Variants in C11orf54 observed in about 807,000 individuals in gnomAD.
C11orf54 encodes the protein beta-keto-L-gulonate decarboxylase, also known as beta-keto L-gulonate decarboxylase.
A neutral mutation model predicts 35.5 loss-of-function variants in C11orf54; 29 were observed. The ratio of observed to expected loss-of-function variants is 0.82; its 90% CI spans 0.61 to 1.11. The LOEUF (loss-of-function observed/expected upper bound fraction) is 1.11, where lower values mean the gene tolerates loss of function less well. Ranked by LOEUF, C11orf54 falls within the 50% of genes most tolerant of loss-of-function variation. The pLI, the probability that C11orf54 is intolerant of heterozygous loss-of-function variation, is 0.00. For missense variants in C11orf54, 373 were observed against 369.2 expected (o/e 1.01, Z -0.08); for synonymous variants, 108 against 121.1 (o/e 0.89, Z 0.71).
rs1453241728 is a variant in C11orf54, at chr11:93,746,002, A to AT, written c.-97-1295_-97-1294insT. 2.0e-5 allele frequency: 3 copies of AT among 152,278 alleles called. No individual in the cohort carries two copies. The East Asian group carries it at 5.8e-4, about 29-fold the overall frequency. 9.4% of individuals were successfully genotyped at this position (152,278 alleles called of 1,614,324 possible). Reference sequence around the variant, plus strand: ...GTCTCAAAAATTTGGGACCGTTAATAAACAGTTATATATATTTGGGAGATT... The same window carrying AT: ...GTCTCAAAAATTTGGGACCGTTAATATAACAGTTATATATATTTGGGAGATT... On this transcript the variant is annotated intron_variant, in intron 1 of 8. Coordinates refer to ENST00000354421, the MANE Select transcript of C11orf54 (RefSeq NM_001286069.2).
At position 93,763,031 on chromosome 11, in the gene C11orf54, C is replaced by T. The variant is rs1943543027; in HGVS notation, c.*1343C>T. On this transcript the variant is annotated 3_prime_UTR_variant, in exon 9 of 9. Coordinates refer to ENST00000354421, the MANE Select transcript of C11orf54 (RefSeq NM_001286069.2). Reference sequence around the variant, plus strand: ...AGCTATGTCTTGTGAGTATAAATTCCAATTTTAAGCACTATTTTGATGCAA... The same window carrying T: ...AGCTATGTCTTGTGAGTATAAATTCTAATTTTAAGCACTATTTTGATGCAA... The T allele has an allele frequency of 6.6e-6, 1 of 152,036 alleles. No individual in the cohort carries two copies. The highest frequency in any genetic ancestry group is 1.9e-4 in the East Asian group (1 of 5,192). 9.4% of individuals were successfully genotyped at this position (152,036 alleles called of 1,614,324 possible). A position where few individuals can be genotyped will look rare whatever the true frequency, so the allele number is the denominator to read the frequency against.
In C11orf54 at chr11:93,757,327, G is replaced by A. The variant is rs942015174; in HGVS notation, c.519G>A (p.Val173=). 2 of 1,598,126 alleles carry A rather than the reference G, an allele frequency of 1.3e-6. No homozygotes were observed. Among genetic ancestry groups the A allele is most frequent in the Middle Eastern group, 1.7e-4 (1 of 6,058 alleles). ...SEGQPGKVIE[V]KAKRRTGPLN... Reference sequence around the variant, plus strand: ...TATGTCCTCTATAGGTAATTGAGGTGAAAGCCAAAAGAAGAACTGGACCAC... The same window carrying A: ...TATGTCCTCTATAGGTAATTGAGGTAAAAGCCAAAAGAAGAACTGGACCAC... The change falls in exon 7 of 9, where the codon GTG becomes GTA. Residue 173 remains valine, a synonymous_variant. Coordinates refer to ENST00000354421, the MANE Select transcript of C11orf54 (RefSeq NM_001286069.2).
rs1942749750 is a variant in C11orf54, at chr11:93,750,353, G to A, written c.63G>A (p.Gln21=). ...ATTCCTTGTCTTTATTAGTTATGCAGAAGGGGTTAAAAGATAACTTTGCTG... is the reference window on the plus strand; with the variant it reads ...ATTCCTTGTCTTTATTAGTTATGCAAAAGGGGTTAAAAGATAACTTTGCTG... ...PSLEELAGVM[Q]KGLKDNFADV... Residue 21 remains glutamine (Q), a synonymous_variant, in exon 3 of 9, where the codon CAG becomes CAA. Transcript: ENST00000354421. The A allele has an allele frequency of 1.2e-6, 2 of 1,612,918 alleles. No individual in the cohort carries two copies. The highest frequency in any genetic ancestry group is 1.7e-5 in the Admixed American group (1 of 59,954).
chr11:93,751,399 GTTTTTT>G (rs71064778), intron 3 of C11orf54, among the ~76,000 whole-genome samples: 1 of 74,708 alleles, frequency 1.3e-5, no homozygotes, highest in Non-Finnish European at 2.5e-5. Flanking sequence ...CTTTTTTATA[GTTTTTT>G]TTTTTTTTTT....
rs1565266108 is a variant in C11orf54, at chr11:93,753,670, G to GT, written c.155-6dup. ...AGGTGGCTTGTGTTTTTGTTTTTTG[G>GT]TTTTTTCTTAGGCATCTGTGGGAAA... is the stretch of plus-strand genomic sequence containing the variant. On this transcript the variant is annotated splice_polypyrimidine_tract_variant and intron_variant, in intron 3 of 8. Transcript: ENST00000354421. The GT allele has an allele frequency of 2.5e-6, 4 of 1,611,674 alleles. No individual in the cohort carries two copies. The highest frequency in any genetic ancestry group is 3.4e-6 in the Non-Finnish European group (4 of 1,179,294).
chr11:93,755,897 G>A (rs1943117041), intron 6 of C11orf54, among the ~76,000 whole-genome samples: 1 of 151,886 alleles, frequency 6.6e-6, no homozygotes, highest in African/African-American at 2.4e-5. Flanking sequence ...CAGACGCGGT[G>A]GCTCACGCCT....
chr11:93,759,939 T>C, intron 8 of C11orf54, 81 bp downstream of exon 8: 1 of 837,720 alleles, frequency 1.2e-6, no homozygotes, highest in Non-Finnish European at 1.8e-6. Flanking sequence ...CTAGGCACTT[T>C]TGTGTTTGTT....
At chr11:93,756,755 A>G (rs1943178057) in intron 6 of C11orf54, among the ~76,000 whole-genome samples, 2 of 152,210 alleles carry the variant, frequency 1.3e-5, no homozygotes, top group African/African-American at 4.8e-5. Flanking sequence ...ACTTCCTATT[A>G]GTACACAAAA....
intron 8 of C11orf54, 28 bp downstream of exon 8, chr11:93,759,886 T>C: frequency 1.1e-5 from 14 of 1,278,644 alleles, no homozygotes; most frequent in Non-Finnish European, 1.6e-5. Context: ...TTTTATATTA[T>C]ACTACAATGA....
At chr11:93,746,013 T>G (rs1942449781) in intron 1 of C11orf54, 1 of 152,204 alleles carries the variant, frequency 6.6e-6, no homozygotes, top group African/African-American at 2.4e-5. Flanking sequence ...AACAGTTATA[T>G]ATATTTGGGA....
chr11:93,759,125 G>T (rs917579758), intron 7 of C11orf54, among the ~76,000 whole-genome samples: 1 of 152,184 alleles, frequency 6.6e-6, no homozygotes, highest in African/African-American at 2.4e-5. Flanking sequence ...TCTAGAACTG[G>T]AAATACCATT....
chr11:93,756,310 G>GT, intron 6 of C11orf54, among the ~76,000 whole-genome samples: 1 of 114,384 alleles, frequency 8.7e-6, no homozygotes, highest in African/African-American at 3.1e-5. Flanking sequence ...GCAAGACCCT[G>GT]TCAAAAAAAA....
chr11:93,748,100 A>C (rs1248038685), intron 2 of C11orf54, among the ~76,000 whole-genome samples: 1 of 152,220 alleles, frequency 6.6e-6, no homozygotes, highest in African/African-American at 2.4e-5. Context: ...TTGTTTCTCA[A>C]AATGTGATGT....
chr11:93,751,975 T>C (rs1157827661), intron 3 of C11orf54, among the ~76,000 whole-genome samples: 1 of 151,664 alleles, frequency 6.6e-6, no homozygotes, highest in African/African-American at 2.4e-5. Context: ...CCCTCCCAAG[T>C]AGCTAGGATT....
In C11orf54 at chr11:93,759,825, G is replaced by A; in HGVS notation, c.741G>A (p.Leu247=). The change falls in exon 8 of 9, where the codon TTG becomes TTA. Residue 247 remains leucine (L), a synonymous_variant. Transcript: ENST00000354421. ...ATTTTTATGAAATGAAAGCTCCTTT[G>A]GTTTGTCTACCAGTTTTTGTCTCCA... The part of the protein sequence containing the change: ...WLHFYEMKAP[L]VCLPVFVSRD... 6.2e-7 allele frequency: 1 copy of A among 1,609,436 alleles called. No homozygotes were observed. The highest frequency in any genetic ancestry group is 8.5e-7 in the Non-Finnish European group (1 of 1,176,770).
Position 93,759,788 on chromosome 11 carries a change from A to C in C11orf54, c.704A>C (p.Asn235Thr). The change falls in exon 8 of 9, where the codon AAT (asparagine) becomes ACT (threonine). Residue 235 changes from asparagine (N) to threonine (T), a missense_variant. Transcript: ENST00000354421. ...CCCTTGAACTCTGATGAAGAAGTGAATAAATGGTTGCATTTTTATGAAATG... is the reference window on the plus strand; with the variant it reads ...CCCTTGAACTCTGATGAAGAAGTGACTAAATGGTTGCATTTTTATGAAATG... ...SCPLNSDEEV[N>T]KWLHFYEMKA... 6.2e-7 allele frequency: 1 copy of C among 1,611,226 alleles called. No homozygotes were observed. The highest frequency in any genetic ancestry group is 8.5e-7 in the Non-Finnish European group (1 of 1,178,098).
intron 1 of C11orf54, chr11:93,745,681 T>C (rs1942423371): frequency 6.6e-6 from 1 of 152,254 alleles, no homozygotes; most frequent in Non-Finnish European, 1.5e-5. Context: ...AATTTAAGTA[T>C]GATTATATAA....
rs750918140 is a variant in C11orf54 at position 93,753,747 on chromosome 11, CAA to C, written c.227_228del (p.Lys76SerfsTer3). ...GCCTTACTTATTGCCTCTTGTAAAC[CAA>C]AAAAAAGTAAGTACTTTTACTCTGC... Reference protein sequence around the residue: ...GVPYLLPLVNQKKVYDLNKIA... With the variant: ...GVPYLLPLVNXKKVYDLNKIA... On this transcript the variant is annotated frameshift_variant, in exon 4 of 9. Coordinates refer to ENST00000354421, the MANE Select transcript of C11orf54 (RefSeq NM_001286069.2). LOFTEE classifies it high-confidence loss of function. 1 of 1,604,834 alleles carries C rather than the reference CAA, an allele frequency of 6.2e-7. No homozygotes were observed. The highest frequency in any genetic ancestry group is 8.5e-7 in the Non-Finnish European group (1 of 1,176,340).
rs758067298 is a variant in C11orf54, at chr11:93,755,252, G to A, written c.373G>A (p.Val125Ile). The change falls in exon 6 of 9, where the codon GTA (valine) becomes ATA (isoleucine). Residue 125 changes from valine to isoleucine, a missense_variant. Transcript: ENST00000354421. ...GACAGAAAGTGAACACAAGCCTCCT[G>A]TAAATGGAAGTTACTTTGCCCATGT... ...IQTESEHKPP[V>I]NGSYFAHVNP... The A allele has an allele frequency of 6.2e-7, 1 of 1,614,108 alleles. No homozygotes were observed. Among genetic ancestry groups the A allele is most frequent in the South Asian group, 1.1e-5 (1 of 91,084 alleles).
Sources: allele counts gnomAD v4.1 joint callset (sites outside exome capture counted in the v4.1 genomes callset), GRCh38; gene constraint gnomAD v4.1.1; transcripts MANE v1.5; gene names NCBI Gene and HGNC (gene_info 2026-07-23, HGNC 2026-07-21).